Variants in RNLS observed in about 807,000 individuals in gnomAD.
RNLS encodes renalase.
A neutral mutation model predicts 39.8 loss-of-function variants in RNLS; 39 were observed. The observed-to-expected ratio is 0.98, with a 90% CI of 0.76 to 1.28. The LOEUF (loss-of-function observed/expected upper bound fraction) is 1.28. Ranked by LOEUF, RNLS falls within the 50% of genes most tolerant of loss-of-function variation. RNLS has a pLI of 0.00. For synonymous variants in RNLS, 147 were observed against 150.7 expected (o/e 0.98, Z 0.18); for missense variants, 410 against 413.3 (o/e 0.99, Z 0.07).
chr10:88,513,514 C>A (rs1449922761), intron 4 of RNLS, among the ~76,000 whole-genome samples: 1 of 152,044 alleles, frequency 6.6e-6, no homozygotes, highest in Non-Finnish European at 1.5e-5. Flanking sequence ...ACTTGCCTTA[C>A]CATATACCTA....
chr10:88,375,461 T>C (rs899552221), intron 4 of RNLS, among the ~76,000 whole-genome samples: 3 of 152,340 alleles, frequency 2.0e-5, no homozygotes, highest in Non-Finnish European at 2.9e-5. Flanking sequence ...ATTGTATTGC[T>C]CTTTCATTTG....
At chr10:88,423,884 G>A (rs1273001675) in intron 4 of RNLS, among the ~76,000 whole-genome samples, 1 of 152,194 alleles carries the variant, frequency 6.6e-6, no homozygotes, top group East Asian at 1.9e-4. Flanking sequence ...GTGGGGTCAA[G>A]AGCACAGCTT....
chr10:88,247,412 A>C, the RNLS span, among the ~76,000 whole-genome samples: 1 of 152,160 alleles, frequency 6.6e-6, no homozygotes, highest in Non-Finnish European at 1.5e-5. Context: ...TAAGGTCAGA[A>C]AAAATAGAAT....
chr10:88,432,423 G>T (rs992441903), intron 4 of RNLS, among the ~76,000 whole-genome samples: 14 of 151,596 alleles, frequency 9.2e-5, no homozygotes, highest in Non-Finnish European at 1.6e-4. Context: ...AACAATCCTT[G>T]TTTTTTTATT....
the RNLS span, among the ~76,000 whole-genome samples, chr10:88,228,271 A>T: frequency 1.3e-5 from 2 of 152,304 alleles, no homozygotes; most frequent in East Asian, 3.9e-4. Context: ...ATGGCCACAG[A>T]AGATTGGGTG....
Position 88,348,330 on chromosome 10 carries a change from A to G in RNLS, c.700+14222T>C, listed in dbSNP as rs554635206. ...CCCGGACAAATGATGGATAGAAACT[A>G]TACTCAGTCCCCACCACATCTGGCT... On this transcript the variant is annotated intron_variant, in intron 5 of 6. Transcript: ENST00000331772. Among the ~76,000 whole-genome samples, 17 of 152,276 alleles carry G rather than the reference A, an allele frequency of 1.1e-4. No homozygotes were observed. The South Asian group carries it at 3.1e-3, about 28-fold the overall frequency.
chr10:88,370,852 G>A (rs923885686), intron 4 of RNLS, among the ~76,000 whole-genome samples: 1 of 152,104 alleles, frequency 6.6e-6, no homozygotes, highest in Non-Finnish European at 1.5e-5. Context: ...AATCAGTCTT[G>A]TTTCACTTCA....
At chr10:88,334,018 GT>G (rs1847308163) in intron 5 of RNLS, among the ~76,000 whole-genome samples, 1 of 152,182 alleles carries the variant, frequency 6.6e-6, no homozygotes, top group Non-Finnish European at 1.5e-5. Flanking sequence ...AAGGTATTTT[GT>G]TATAGGAGCA....
At chr10:88,207,135 A>C in the RNLS span, among the ~76,000 whole-genome samples, 2 of 152,186 alleles carry the variant, frequency 1.3e-5, no homozygotes, top group Middle Eastern at 3.2e-3. Context: ...GATTTCTTAG[A>C]TAGAACATCA....
intron 4 of RNLS, among the ~76,000 whole-genome samples, chr10:88,467,110 C>G (rs908719898): frequency 2.0e-5 from 3 of 151,970 alleles, no homozygotes; most frequent in Non-Finnish European, 4.4e-5. Context: ...ACTAGCCTGA[C>G]GCAACCATAT....
chr10:88,403,079 G>C (rs1256693196), intron 4 of RNLS, among the ~76,000 whole-genome samples: 1 of 151,906 alleles, frequency 6.6e-6, no homozygotes, highest in East Asian at 1.9e-4. Context: ...GTGACATCAT[G>C]GGGACGTTTT....
intron 5 of RNLS, among the ~76,000 whole-genome samples, chr10:88,349,282 C>G (rs1004181132): frequency 1.3e-5 from 2 of 152,054 alleles, no homozygotes; most frequent in African/African-American, 2.4e-5. Flanking sequence ...GATTTTCATA[C>G]TGAGTTAAGT....
intron 4 of RNLS, among the ~76,000 whole-genome samples, chr10:88,532,101 A>G (rs969120802): frequency 2.6e-5 from 4 of 152,074 alleles, no homozygotes; most frequent in African/African-American, 9.6e-5. Flanking sequence ...TCCCTTCTAA[A>G]TTTTAGAAGA....
At chr10:88,363,384 A>G (rs1208053278) in intron 4 of RNLS, among the ~76,000 whole-genome samples, 1 of 152,118 alleles carries the variant, frequency 6.6e-6, no homozygotes, top group East Asian at 1.9e-4. Context: ...CATCCTGCAC[A>G]TGTACACCTG....
At chr10:88,208,369 A>G in the RNLS span, among the ~76,000 whole-genome samples, 1 of 152,190 alleles carries the variant, frequency 6.6e-6, no homozygotes, top group African/African-American at 2.4e-5. Context: ...AGAACTTAGT[A>G]TAATAAAAAA....
At chr10:88,554,038 T>C (rs1848728577) in intron 4 of RNLS, among the ~76,000 whole-genome samples, 1 of 152,116 alleles carries the variant, frequency 6.6e-6, no homozygotes, top group African/African-American at 2.4e-5. Context: ...CCTTTTTTTA[T>C]AAAAATATAT....
chr10:88,468,230 G>A (rs943668646), intron 4 of RNLS, among the ~76,000 whole-genome samples: 1 of 152,120 alleles, frequency 6.6e-6, no homozygotes, highest in African/African-American at 2.4e-5. Flanking sequence ...AAAATGCTCT[G>A]GGGTGGGCTC....
chr10:88,441,371 T>C (rs1841705504), intron 4 of RNLS, among the ~76,000 whole-genome samples: 2 of 152,206 alleles, frequency 1.3e-5, no homozygotes, highest in Non-Finnish European at 2.9e-5. Flanking sequence ...GCTTTGCTAA[T>C]CATGATGATT....
In RNLS at chr10:88,583,235, C is replaced by T. The variant is rs762060634; in HGVS notation, c.-45G>A. 4.4e-6 allele frequency: 7 copies of T among 1,607,402 alleles called. No individual in the cohort carries two copies. The Admixed American group carries it at 8.4e-5, about 19-fold the overall frequency. ...CCGCGCTGAGTCTCTGCGGCGGGGC[C>T]GTTCGGCCCGGGCTTTCTGGAAAGG... On this transcript the variant is annotated 5_prime_UTR_variant, in exon 1 of 7. Coordinates refer to ENST00000331772, the MANE Select transcript of RNLS (RefSeq NM_001031709.3).
Sources: gnomAD v4.1 joint callset for allele counts (sites outside exome capture counted in the v4.1 genomes callset) on GRCh38, gnomAD v4.1.1 for gene constraint, MANE v1.5 for transcripts, NCBI Gene and HGNC (gene_info 2026-07-23, HGNC 2026-07-21) for gene names.